The following CAPN1 variants were observed in gnomAD, a reference collection of about 807,000 sequenced individuals.
CAPN1 encodes the protein calpain-1 catalytic subunit.
Under a neutral mutation model 105.2 loss-of-function variants are expected in CAPN1, and 77 were observed. The ratio of observed to expected loss-of-function variants is 0.73; its 90% confidence interval spans 0.61 to 0.88. CAPN1 has a LOEUF of 0.88. CAPN1 is among the 40% of genes least tolerant of loss of function. CAPN1 has a pLI of 0.00. For missense variants in CAPN1, 833 were observed against 976.6 expected (o/e 0.85, Z 1.96); for synonymous variants, 355 against 388.8 (o/e 0.91, Z 1.02).
chr11:65,210,804 G>A lies in CAPN1; in HGVS notation c.2060-10G>A. ...TTTCAGCCCTGTATCACCTTTTCTT[G>A]AACACACAGGATTTTTCAAAACTCT... On this transcript the variant is annotated splice_polypyrimidine_tract_variant and intron_variant, in intron 20 of 21. Transcript: ENST00000279247. The surrounding 1 kb of genome is among the most constrained non-coding windows in gnomAD (Gnocchi z 4.3). 6.2e-7 allele frequency: 1 copy of A among 1,612,618 alleles called. No homozygotes were observed. Among genetic ancestry groups the A allele is most frequent in the Non-Finnish European group, 8.5e-7 (1 of 1,178,736 alleles).
At chr11:65,181,906 C>T (rs952230340), upstream of CAPN1, 306 of 114,872 alleles carry the variant, frequency 2.7e-3, 2 homozygotes, top group South Asian at 0.011. This position sits in a 1 kb window ranked among gnomAD's most constrained non-coding sequence, Gnocchi z 4.6. Context: ...GGAGGGGCGG[C>T]GGGAGGAGGG....
intron 11 of CAPN1, among the ~76,000 whole-genome samples, chr11:65,205,509 G>A (rs1948943367): frequency 6.6e-6 from 1 of 152,042 alleles, no homozygotes; most frequent in African/African-American, 2.4e-5. Context: ...GCATTCCCAG[G>A]ACCAAGAGGA....
In CAPN1 at chr11:65,208,331, C is replaced by T; in HGVS notation, c.1729+69C>T. 6 of 1,390,704 alleles carry T rather than the reference C, an allele frequency of 4.3e-6. No individual in the cohort carries two copies. Among genetic ancestry groups the T allele is most frequent in the Non-Finnish European group, 6.0e-6 (6 of 1,001,048 alleles). 86.1% of individuals were successfully genotyped at this position (1,390,704 alleles called of 1,614,324 possible). A position where few individuals can be genotyped will look rare whatever the true frequency, so the allele number is the denominator to read the frequency against. The stretch of plus-strand genomic sequence containing the variant: ...ACATCAGAATCCAGGCTCCTGCTCA[C>T]ACATTGAGCTGAACCTCATCCCTTG... On this transcript the variant is annotated intron_variant, in intron 16 of 21. Transcript: ENST00000279247. The surrounding 1 kb of genome is among the most constrained non-coding windows in gnomAD (Gnocchi z 4.1).
Position 65,204,849 on chromosome 11 carries a change from G to A in CAPN1, c.1332G>A (p.Ala444=), listed in dbSNP as rs374582196. Residue 444 remains alanine, a synonymous_variant, in exon 11 of 22, where the codon GCG becomes GCA. Coordinates refer to ENST00000279247, the MANE Select transcript of CAPN1 (RefSeq NM_005186.4). ...GCGACATGGAGACTATTGGCTTCGC[G>A]GTCTACGAGGTCAGGAGGGTGGATC... ...FGRDMETIGF[A]VYEVPPELVG... is the part of the protein sequence containing the mutation. The A allele has an allele frequency of 1.9e-6, 3 of 1,607,260 alleles. No individual in the cohort carries two copies. Among genetic ancestry groups the A allele is most frequent in the Non-Finnish European group, 1.7e-6 (2 of 1,175,724 alleles).
chr11:65,208,190 CCT>C lies in CAPN1; in HGVS notation c.1672-7_1672-6del. 6.3e-7 allele frequency: 1 copy of C among 1,584,120 alleles called. No individual in the cohort carries two copies. On this transcript the variant is annotated splice_polypyrimidine_tract_variant and intron_variant, in intron 15 of 21. Transcript: ENST00000279247. The surrounding 1 kb of genome is among the most constrained non-coding windows in gnomAD (Gnocchi z 4.1). Reference sequence around the variant, plus strand: ...CCCTCTCCTGGGGCAGGTGCCACCTCCTCTCTCTCCCCAGGACATGGAGATCA... The same window carrying C: ...CCCTCTCCTGGGGCAGGTGCCACCTCCTCTCTCCCCAGGACATGGAGATCA...
At chr11:65,197,430 C>A (rs1258802918) in intron 10 of CAPN1, among the ~76,000 whole-genome samples, 1 of 152,080 alleles carries the variant, frequency 6.6e-6, no homozygotes, top group Admixed American at 6.6e-5. Context: ...TTTTTACTTT[C>A]AAGTCTATTT....
rs560637212 is a variant in CAPN1, at chr11:65,193,105, C to T, written c.1165+4359C>T. Among the ~76,000 whole-genome samples, 29 of 150,938 alleles carry T rather than the reference C, an allele frequency of 1.9e-4. No individual in the cohort carries two copies. In the East Asian group the frequency reaches 5.3e-3, roughly 28 times the overall value. On this transcript the variant is annotated intron_variant, in intron 10 of 21. Transcript: ENST00000279247. ...ACGCCATTCTCCTGCCTCAGCCTCCCGAGTAGCTGGGACTACAGGTGCCCA... is the reference window on the plus strand; with the variant it reads ...ACGCCATTCTCCTGCCTCAGCCTCCTGAGTAGCTGGGACTACAGGTGCCCA...
rs540122062 is a variant in CAPN1, at chr11:65,198,266, G to A, written c.1166-6417G>A. Among the ~76,000 whole-genome samples the A allele has an allele frequency of 9.2e-5, 14 of 151,856 alleles. No homozygotes were observed. The South Asian group carries it at 2.7e-3, about 29-fold the overall frequency. On this transcript the variant is annotated intron_variant, in intron 10 of 21. Transcript: ENST00000279247. ...AGCCATCCTCCCACCTGAGCTTCCC[G>A]AGTAGCTGAGTGGTACTACAGGTGC...
intron 10 of CAPN1, among the ~76,000 whole-genome samples, chr11:65,202,378 A>G (rs937098311): frequency 1.3e-5 from 2 of 152,360 alleles, no homozygotes; most frequent in African/African-American, 4.8e-5. Context: ...CAATTTAAAT[A>G]TACTATTAAA....
chr11:65,181,512 A>AGGC (rs1391283264), upstream of CAPN1: 2 of 311,342 alleles, frequency 6.4e-6, no homozygotes, highest in Non-Finnish European at 1.3e-5. The surrounding 1 kb of genome is among the most constrained non-coding windows in gnomAD (Gnocchi z 4.6). Flanking sequence ...GGGCTGCGGG[A>AGGC]GGCGGCGCCG....
At position 65,210,434 on chromosome 11, in the gene CAPN1, C is replaced by A; in HGVS notation, c.2041C>A (p.Arg681=). 6.2e-7 allele frequency: 1 copy of A among 1,609,352 alleles called. No individual in the cohort carries two copies. Among genetic ancestry groups the A allele is most frequent in the Non-Finnish European group, 8.5e-7 (1 of 1,176,762 alleles). The change falls in exon 20 of 22, where the codon CGG becomes AGG. Residue 681 remains arginine, a synonymous_variant. Transcript: ENST00000279247. The surrounding 1 kb of genome is among the most constrained non-coding windows in gnomAD (Gnocchi z 4.3). ...DFDNFVCCLV[R]LETMFRFFKT... is the part of the protein sequence containing the mutation. ...TGACAATTTCGTTTGCTGCCTGGTG[C>A]GGCTAGAGACCATGTTCCGTGAGTG...
intron 4 of CAPN1, among the ~76,000 whole-genome samples, chr11:65,184,262 G>A (rs1200216253): frequency 2.6e-5 from 4 of 152,006 alleles, no homozygotes; most frequent in Non-Finnish European, 2.9e-5. Flanking sequence ...CCCGCCTTGC[G>A]CGGGTGGAGG....
chr11:65,211,256 G>A lies in CAPN1; in HGVS notation c.2119-4G>A, dbSNP rs986720813. On this transcript the variant is annotated splice_region_variant and splice_polypyrimidine_tract_variant and intron_variant, in intron 21 of 21. Coordinates refer to ENST00000279247, the MANE Select transcript of CAPN1 (RefSeq NM_005186.4). Reference sequence around the variant, plus strand: ...CCCCAGCTGACCTGCCTGTTCTCCCGCAGTGGTTGCAGCTGACCATGTTTG... The same window carrying A: ...CCCCAGCTGACCTGCCTGTTCTCCCACAGTGGTTGCAGCTGACCATGTTTG... 2.0e-5 allele frequency: 32 copies of A among 1,612,466 alleles called. No individual in the cohort carries two copies. Among genetic ancestry groups the A allele is most frequent in the Admixed American group, 6.7e-5 (4 of 59,952 alleles).
chr11:65,199,164 C>G (rs992498449), intron 10 of CAPN1, among the ~76,000 whole-genome samples: 5 of 152,034 alleles, frequency 3.3e-5, no homozygotes, highest in Non-Finnish European at 7.4e-5. Context: ...TATTTTTTAG[C>G]AAGGGTCTGT....
chr11:65,187,748 G>T (rs766386906), intron 7 of CAPN1: 27 of 504,874 alleles, frequency 5.3e-5, no homozygotes, highest in Middle Eastern at 1.1e-3. Flanking sequence ...CTACCTGGGT[G>T]TGGTGGCAGG....
intron 10 of CAPN1, among the ~76,000 whole-genome samples, chr11:65,198,042 T>A (rs1464581036): frequency 6.6e-6 from 1 of 152,198 alleles, no homozygotes; most frequent in Non-Finnish European, 1.5e-5. Flanking sequence ...TGCTGCCTTT[T>A]GTGTTGAGTT....
Position 65,200,352 on chromosome 11 carries a change from CT to C in CAPN1, c.1166-4322del, listed in dbSNP as rs948701277. ...CTGAGTCACCATACCCAGCTTTGTT[CT>C]TTTTTTTTGGAGATGGACTCTCACT... On this transcript the variant is annotated intron_variant, in intron 10 of 21. Transcript: ENST00000279247. 8.9e-4 allele frequency among the ~76,000 whole-genome samples: 134 copies of C among 150,894 alleles called. 1 individual carries two copies. Among genetic ancestry groups the C allele is most frequent in the Middle Eastern group, 6.9e-3 (2 of 290 alleles).
intron 10 of CAPN1, among the ~76,000 whole-genome samples, chr11:65,201,881 G>A (rs760784881): frequency 7.4e-5 from 11 of 148,904 alleles, no homozygotes; most frequent in Non-Finnish European, 1.5e-4. Context: ...GGAGTGCAGT[G>A]GCATGATCTT....
rs987992287 is a variant in CAPN1, at chr11:65,188,926, G to A, written c.1165+180G>A. On this transcript the variant is annotated intron_variant, in intron 10 of 21. Coordinates refer to ENST00000279247, the MANE Select transcript of CAPN1 (RefSeq NM_005186.4). This position sits in a 1 kb window ranked among gnomAD's most constrained non-coding sequence, Gnocchi z 5.5. The stretch of plus-strand genomic sequence containing the variant: ...TTTAAAGAGGCATGCTTGACTCACC[G>A]TCTTGGGGCCTGAGCCCAGGGTGCT... Among the ~76,000 whole-genome samples the A allele has an allele frequency of 2.0e-5, 3 of 152,282 alleles. No homozygotes were observed. The highest frequency in any genetic ancestry group is 7.2e-5 in the African/African-American group (3 of 41,544).
Sources: allele counts gnomAD v4.1 joint callset (sites outside exome capture counted in the v4.1 genomes callset), GRCh38; gene constraint gnomAD v4.1.1; non-coding constraint Gnocchi (gnomAD v3.1); transcripts MANE v1.5; gene names NCBI Gene and HGNC (gene_info 2026-07-23, HGNC 2026-07-21).